GRAMD4: variants seen among roughly 807,000 people sequenced by gnomAD.
GRAMD4 encodes the protein GRAM domain-containing protein 4.
A neutral mutation model predicts 83.9 loss-of-function variants in GRAMD4; 25 were observed. The observed-to-expected ratio is 0.30, with a 90% CI of 0.22 to 0.42. The LOEUF (loss-of-function observed/expected upper bound fraction) is 0.42, where lower values mean the gene tolerates loss of function less well. Among genes scored for constraint, GRAMD4 ranks in the 10% least tolerant of loss-of-function variants. GRAMD4 has a pLI of 1.00. For missense variants in GRAMD4, 593 were observed against 788.7 expected, an observed-to-expected ratio of 0.75 and a Z score of 2.97; for synonymous variants, 336 against 320.9, an observed-to-expected ratio of 1.05 and a Z score of -0.50.
At chr22:46,656,719 C>T (rs970857518) in intron 3 of GRAMD4, among the ~76,000 whole-genome samples, 30 of 152,222 alleles carry the variant, frequency 2.0e-4, no homozygotes, top group African/African-American at 6.8e-4. Flanking sequence ...GGCTGCTGGC[C>T]CTGCCCAAGA....
intron 3 of GRAMD4, among the ~76,000 whole-genome samples, chr22:46,641,318 C>A (rs894986456): frequency 6.6e-6 from 1 of 152,168 alleles, no homozygotes; most frequent in Non-Finnish European, 1.5e-5. Context: ...GGTGATCCGC[C>A]TGTGTCAACC....
Position 46,677,491 on chromosome 22 carries a change from C to A in GRAMD4, c.*240C>A. ...ACGTCAGGTGCCTCTGAGGGCCACCCGCAGACTGGGGGAGGGGGCAGAGGC... is the reference window on the plus strand; with the variant it reads ...ACGTCAGGTGCCTCTGAGGGCCACCAGCAGACTGGGGGAGGGGGCAGAGGC... On this transcript the variant is annotated 3_prime_UTR_variant, in exon 19 of 19. Coordinates refer to ENST00000406902, the MANE Select transcript of GRAMD4 (RefSeq NM_015124.5). 1.6e-6 allele frequency: 2 copies of A among 1,281,372 alleles called. No individual in the cohort carries two copies. Among genetic ancestry groups the A allele is most frequent in the Non-Finnish European group, 9.9e-7 (1 of 1,010,406 alleles). 79.4% of individuals were successfully genotyped at this position (1,281,372 alleles called of 1,614,324 possible). A position where few individuals can be genotyped will look rare whatever the true frequency, so the allele number is the denominator to read the frequency against.
At chr22:46,676,768 AG>A in intron 18 of GRAMD4, 100 bp downstream of exon 18, 1 of 1,109,718 alleles carries the variant, frequency 9.0e-7, no homozygotes, top group African/African-American at 1.5e-5. Context: ...CCAGAGTTTT[AG>A]TTTGGGCAGC....
At chr22:46,671,902 A>G (rs1178814889) in intron 13 of GRAMD4, among the ~76,000 whole-genome samples, 1 of 152,246 alleles carries the variant, frequency 6.6e-6, no homozygotes, top group African/African-American at 2.4e-5. Flanking sequence ...TTTCTGTGAA[A>G]ATGTCCTACA....
chr22:46,576,616 C>T (rs1026721760), upstream of GRAMD4, among the ~76,000 whole-genome samples: 9 of 152,312 alleles, frequency 5.9e-5, no homozygotes, highest in African/African-American at 2.2e-4. Flanking sequence ...TCCCGTACAG[C>T]GCGGGCTGCA....
At chr22:46,655,369 C>A (rs1171663390) in intron 3 of GRAMD4, among the ~76,000 whole-genome samples, 1 of 152,112 alleles carries the variant, frequency 6.6e-6, no homozygotes, top group African/African-American at 2.4e-5. Context: ...CAAGTTCTGG[C>A]TTGTGCTTTA....
intron 17 of GRAMD4, 68 bp downstream of exon 17, chr22:46,675,620 C>A (rs997206675): frequency 4.6e-5 from 48 of 1,046,632 alleles, no homozygotes; most frequent in Middle Eastern, 2.0e-4. Flanking sequence ...GCTGGCGAGG[C>A]TTTCCCTATA....
intron 3 of GRAMD4, among the ~76,000 whole-genome samples, chr22:46,645,196 G>A (rs980013557): frequency 1.4e-4 from 22 of 152,074 alleles, no homozygotes; most frequent in African/African-American, 5.1e-4. Flanking sequence ...TATAGTGGGA[G>A]CTTGGTGAAT....
At chr22:46,657,222 C>T (rs1036537068) in intron 3 of GRAMD4, among the ~76,000 whole-genome samples, 8 of 152,156 alleles carry the variant, frequency 5.3e-5, no homozygotes, top group African/African-American at 1.9e-4. Flanking sequence ...CTGAGAAGGA[C>T]CGAGGACCTG....
chr22:46,644,207 C>T (rs148161676), intron 3 of GRAMD4, among the ~76,000 whole-genome samples: 464 of 152,322 alleles, frequency 3.0e-3, no homozygotes, highest in African/African-American at 9.8e-3. Context: ...TACACCTGTC[C>T]CTGTTCCATG....
chr22:46,617,304 G>A (rs2147123060), upstream of GRAMD4, among the ~76,000 whole-genome samples: 1 of 150,930 alleles, frequency 6.6e-6, no homozygotes. Flanking sequence ...GTGCATGTAG[G>A]TTCCCCTGTG....
At chr22:46,662,741 C>T (rs929807846) in intron 5 of GRAMD4, among the ~76,000 whole-genome samples, 5 of 152,138 alleles carry the variant, frequency 3.3e-5, no homozygotes, top group Admixed American at 6.5e-5. Flanking sequence ...GAGCCCAGGG[C>T]GGGCAGAGAG....
intron 1 of GRAMD4, among the ~76,000 whole-genome samples, chr22:46,608,780 G>A (rs1015998217): frequency 1.3e-5 from 2 of 151,918 alleles, no homozygotes; most frequent in Admixed American, 1.3e-4. Flanking sequence ...AGGCTGAGAT[G>A]GAAGGATGGC....
chr22:46,612,995 C>T (rs547716489), intron 1 of GRAMD4, among the ~76,000 whole-genome samples: 89 of 152,342 alleles, frequency 5.8e-4, no homozygotes, highest in Middle Eastern at 3.4e-3. Context: ...CTCGGGAGCT[C>T]GTAGTGACTA....
At chr22:46,624,153 A>T (rs755617371) in intron 1 of GRAMD4, among the ~76,000 whole-genome samples, 1 of 151,700 alleles carries the variant, frequency 6.6e-6, no homozygotes, top group Non-Finnish European at 1.5e-5. Context: ...TCCTTGTTTT[A>T]TAGCGTATTT....
At chr22:46,593,470 C>A (rs545226634) in intron 1 of GRAMD4, among the ~76,000 whole-genome samples, 1 of 152,304 alleles carries the variant, frequency 6.6e-6, no homozygotes, top group Non-Finnish European at 1.5e-5. Context: ...GGACCGCCCC[C>A]CAACCCCTGC....
chr22:46,676,928 G>A (rs1467522849), intron 18 of GRAMD4, among the ~76,000 whole-genome samples: 1 of 152,254 alleles, frequency 6.6e-6, no homozygotes, highest in Non-Finnish European at 1.5e-5. Context: ...TTGGGAGGAG[G>A]GAGGCACGGG....
intron 10 of GRAMD4, among the ~76,000 whole-genome samples, chr22:46,667,406 T>C (rs933550831): frequency 3.9e-5 from 6 of 152,214 alleles, no homozygotes; most frequent in African/African-American, 1.4e-4. Context: ...TAAATAAAGT[T>C]TTATTGGCAC....
chr22:46,584,804 G>A (rs2081132531), intron 1 of GRAMD4, among the ~76,000 whole-genome samples: 2 of 152,228 alleles, frequency 1.3e-5, no homozygotes, highest in Non-Finnish European at 2.9e-5. Context: ...CGCAGGGACG[G>A]GCACGGGCTT....
Sources: allele counts gnomAD v4.1 joint callset (sites outside exome capture counted in the v4.1 genomes callset), GRCh38; gene constraint gnomAD v4.1.1; transcripts MANE v1.5; gene names NCBI Gene and HGNC (gene_info 2026-07-23, HGNC 2026-07-21).